Variants in CNTN5 observed in about 807,000 individuals in gnomAD.
CNTN5 encodes the protein contactin 5.
A neutral mutation model predicts 129.1 loss-of-function variants in CNTN5; 77 were observed. That is an observed-to-expected ratio of 0.60 (90% CI 0.50 to 0.72). CNTN5 has a LOEUF of 0.72. CNTN5 is among the 30% of genes least tolerant of loss of function. The probability of loss-of-function intolerance (pLI) is 0.00; values close to 1 mark genes in which losing one functional copy is unlikely to be tolerated. For missense variants in CNTN5, 1,478 were observed against 1,328.8 expected (o/e 1.11, Z -1.75); for synonymous variants, 509 against 465.6 (o/e 1.09, Z -1.20).
intron 13 of CNTN5, among the ~76,000 whole-genome samples, chr11:100,113,061 C>T (rs1458119249): frequency 6.6e-6 from 1 of 151,744 alleles, no homozygotes; most frequent in Non-Finnish European, 1.5e-5. Context: ...CTTTATTTAA[C>T]CTGTTTGAGT....
chr11:100,309,294 G>A lies in CNTN5; in HGVS notation c.2730+826G>A, dbSNP rs937603830. The A allele has an allele frequency of 4.1e-6, 4 of 982,968 alleles. No homozygotes were observed. In the South Asian group the frequency reaches 1.9e-4, roughly 46 times the overall value. 60.9% of individuals were successfully genotyped at this position (982,968 alleles called of 1,614,324 possible). A position where few individuals can be genotyped will look rare whatever the true frequency, so the allele number is the denominator to read the frequency against. Reference sequence around the variant, plus strand: ...GTGTCTTGAACAATGATCAAGTATAGGACTTGTATACTAACATGGTTTCCA... The same window carrying A: ...GTGTCTTGAACAATGATCAAGTATAAGACTTGTATACTAACATGGTTTCCA... On this transcript the variant is annotated intron_variant, in intron 21 of 24. Transcript: ENST00000524871.
At chr11:99,470,183 A>G (rs1009941317) in intron 2 of CNTN5, among the ~76,000 whole-genome samples, 2 of 152,114 alleles carry the variant, frequency 1.3e-5, no homozygotes, top group African/African-American at 2.4e-5. Context: ...CAGTTATTTC[A>G]TTGATATTTC....
In CNTN5 at chr11:99,844,601, A is replaced by G. The variant is rs185836523; in HGVS notation, c.278-251A>G. On this transcript the variant is annotated intron_variant, in intron 4 of 24. Transcript: ENST00000524871. ...GAAAACAAAGATATATATTTAAAAT[A>G]TAAATGTCTGAGGTTTGTTTTTTAT... is the stretch of plus-strand genomic sequence containing the variant. The G allele has an allele frequency of 1.2e-3, 529 of 451,064 alleles. 3 individuals are homozygous for G. The highest frequency in any genetic ancestry group is 9.1e-3 in the African/African-American group (442 of 48,486). 27.9% of individuals were successfully genotyped at this position (451,064 alleles called of 1,614,324 possible). A position where few individuals can be genotyped will look rare whatever the true frequency, so the allele number is the denominator to read the frequency against.
At chr11:99,499,314 C>T (rs760170330) in intron 2 of CNTN5, among the ~76,000 whole-genome samples, 21 of 152,056 alleles carry the variant, frequency 1.4e-4, no homozygotes, top group South Asian at 6.2e-4. Flanking sequence ...AGTATGTAGA[C>T]GTGAGGATTT....
intron 1 of CNTN5, among the ~76,000 whole-genome samples, chr11:99,090,878 C>T (rs1033451093): frequency 6.6e-6 from 1 of 151,802 alleles, no homozygotes; most frequent in Non-Finnish European, 1.5e-5. Flanking sequence ...AAAAATTAGC[C>T]CGTCGCGGTG....
intron 9 of CNTN5, among the ~76,000 whole-genome samples, chr11:100,052,267 A>G (rs529703953): frequency 2.0e-5 from 3 of 151,998 alleles, no homozygotes; most frequent in Admixed American, 6.6e-5. Context: ...AATATTCAGC[A>G]TCGTAATGGT....
At chr11:99,045,294 A>G (rs1255274028) in intron 1 of CNTN5, among the ~76,000 whole-genome samples, 1 of 152,236 alleles carries the variant, frequency 6.6e-6, no homozygotes, top group Non-Finnish European at 1.5e-5. Flanking sequence ...TTATACATAT[A>G]TCAAACAGCA....
intron 6 of CNTN5, among the ~76,000 whole-genome samples, chr11:99,892,521 G>T (rs1311593477): frequency 2.0e-5 from 3 of 152,062 alleles, no homozygotes; most frequent in Non-Finnish European, 4.4e-5. Flanking sequence ...TAAGGAAGGG[G>T]TCCAGTTTCA....
At chr11:100,206,856 T>TTAAATATATATTA (rs1948924143) in intron 15 of CNTN5, among the ~76,000 whole-genome samples, 2 of 152,038 alleles carry the variant, frequency 1.3e-5, no homozygotes, top group African/African-American at 4.8e-5. Context: ...GGCAGATATA[T>TTAAATATATATTA]TTGCTAAACA....
chr11:99,204,265 T>C (rs759175073), intron 1 of CNTN5, among the ~76,000 whole-genome samples: 30 of 152,224 alleles, frequency 2.0e-4, no homozygotes, highest in Non-Finnish European at 3.5e-4. Flanking sequence ...GCAGTGTTTT[T>C]AAATTCTTGA....
At position 99,217,243 on chromosome 11, in the gene CNTN5, T is replaced by C. The variant is rs973758584; in HGVS notation, c.-209-108103T>C. 3.5e-5 allele frequency among the ~76,000 whole-genome samples: 5 copies of C among 140,924 alleles called. No individual in the cohort carries two copies. The East Asian group carries it at 8.9e-4, about 25-fold the overall frequency. 92.5% of individuals were successfully genotyped at this position (140,924 alleles called of 152,430 possible). Reference sequence around the variant, plus strand: ...AATAGCTCAATAGGAAAAAAACAAATAATATGAGTAAAATATCGGCAAAAG... The same window carrying C: ...AATAGCTCAATAGGAAAAAAACAAACAATATGAGTAAAATATCGGCAAAAG... On this transcript the variant is annotated intron_variant, in intron 1 of 24. Transcript: ENST00000524871.
intron 2 of CNTN5, among the ~76,000 whole-genome samples, chr11:99,353,738 T>C (rs543307285): frequency 6.6e-6 from 1 of 152,358 alleles, no homozygotes; most frequent in South Asian, 2.1e-4. Context: ...GGTTAATTTC[T>C]CTGCTGTGCA....
intron 8 of CNTN5, among the ~76,000 whole-genome samples, chr11:99,972,085 T>TAAAAAAA (rs71050038): frequency 2.5e-4 from 23 of 92,204 alleles, no homozygotes; most frequent in East Asian, 2.2e-3. Flanking sequence ...TTATCTCTAT[T>TAAAAAAA]AAAAAAAAAA....
rs187320688 is a variant in CNTN5 at position 99,246,445 on chromosome 11, G to C, written c.-209-78901G>C. On this transcript the variant is annotated intron_variant, in intron 1 of 24. Transcript: ENST00000524871. The stretch of plus-strand genomic sequence containing the variant: ...GGTTTACAGATTAATGGTAGGTACG[G>C]ATTTATATTGTCATGAGGCAGGAGC... Among the ~76,000 whole-genome samples, 4 of 152,246 alleles carry C rather than the reference G, an allele frequency of 2.6e-5. No individual in the cohort carries two copies. In the East Asian group the frequency reaches 7.7e-4, roughly 29 times the overall value.
At chr11:100,269,195 G>A (rs1368480136) in intron 17 of CNTN5, among the ~76,000 whole-genome samples, 1 of 152,200 alleles carries the variant, frequency 6.6e-6, no homozygotes, top group Non-Finnish European at 1.5e-5. Flanking sequence ...GATGATGATA[G>A]TTCAAGTGAG....
intron 13 of CNTN5, among the ~76,000 whole-genome samples, chr11:100,110,609 C>T (rs1306752097): frequency 6.6e-6 from 1 of 152,180 alleles, no homozygotes; most frequent in Non-Finnish European, 1.5e-5. Context: ...TACCCTTTAT[C>T]TAATTTGCAA....
At chr11:99,769,215 G>A (rs1288984248) in intron 3 of CNTN5, among the ~76,000 whole-genome samples, 1 of 151,942 alleles carries the variant, frequency 6.6e-6, no homozygotes, top group Non-Finnish European at 1.5e-5. Context: ...CTTCATGACT[G>A]CCTTAAATTC....
intron 2 of CNTN5, among the ~76,000 whole-genome samples, chr11:99,469,207 T>C (rs1453510497): frequency 6.6e-6 from 1 of 152,142 alleles, no homozygotes; most frequent in Non-Finnish European, 1.5e-5. Context: ...CAATTCATTA[T>C]GTTCAAAATA....
At chr11:99,542,971 C>T (rs891910182) in intron 2 of CNTN5, among the ~76,000 whole-genome samples, 3 of 152,186 alleles carry the variant, frequency 2.0e-5, no homozygotes, top group African/African-American at 7.2e-5. Context: ...CTCATAAAGG[C>T]CATAGGTCCT....
Sources: gnomAD v4.1 joint callset for allele counts (sites outside exome capture counted in the v4.1 genomes callset) on GRCh38, gnomAD v4.1.1 for gene constraint, MANE v1.5 for transcripts, NCBI Gene and HGNC (gene_info 2026-07-23, HGNC 2026-07-21) for gene names.